Variants in KCNH5 observed in about 807,000 individuals in gnomAD.
KCNH5 encodes the protein potassium voltage-gated channel subfamily H member 5, also known as voltage-gated delayed rectifier potassium channel KCNH5.
KCNH5 carries 46 observed loss-of-function variants against 96.1 expected under a neutral mutation model. The observed-to-expected ratio is 0.48, with a 90% CI of 0.38 to 0.61. The LOEUF (loss-of-function observed/expected upper bound fraction) is 0.61, where lower values mean the gene tolerates loss of function less well. Among genes scored for constraint, KCNH5 ranks in the 20% least tolerant of loss-of-function variants. The pLI is 0.00. For synonymous variants in KCNH5, 439 were observed against 449.8 expected, an observed-to-expected ratio of 0.98 and a Z score of 0.30; for missense variants, 907 against 1,225.8, an observed-to-expected ratio of 0.74 and a Z score of 3.88.
At chr14:62,749,347 A>C (rs572976186) in intron 10 of KCNH5, among the ~76,000 whole-genome samples, 1 of 152,318 alleles carries the variant, frequency 6.6e-6, no homozygotes, top group African/African-American at 2.4e-5. Context: ...ATAAGAAATG[A>C]GTTTAATTCC....
chr14:62,786,590 A>C (rs1040422163), intron 9 of KCNH5, among the ~76,000 whole-genome samples: 2 of 152,114 alleles, frequency 1.3e-5, no homozygotes, highest in Non-Finnish European at 2.9e-5. Context: ...TACAGGCATA[A>C]TCCTCATTTT....
At chr14:62,808,037 C>T (rs536886469) in intron 8 of KCNH5, among the ~76,000 whole-genome samples, 110 of 152,218 alleles carry the variant, frequency 7.2e-4, no homozygotes, top group African/African-American at 2.6e-3. Context: ...ATATCTTAGG[C>T]TAGGCTCCAC....
chr14:62,847,256 G>A (rs1262203396), intron 8 of KCNH5, among the ~76,000 whole-genome samples: 1 of 151,236 alleles, frequency 6.6e-6, no homozygotes, highest in Non-Finnish European at 1.5e-5. Context: ...CAAAACCAGA[G>A]AGCTGAATGA....
At chr14:62,781,522 T>C in intron 9 of KCNH5, among the ~76,000 whole-genome samples, 1 of 152,266 alleles carries the variant, frequency 6.6e-6, no homozygotes, top group East Asian at 1.9e-4. Context: ...GTCTCGACCG[T>C]AAGAGACGGC....
intron 7 of KCNH5, among the ~76,000 whole-genome samples, chr14:62,864,483 T>C (rs1888096006): frequency 6.6e-6 from 1 of 152,148 alleles, no homozygotes; most frequent in South Asian, 2.1e-4. Context: ...AAATGGATAG[T>C]GAATTTTGCA....
rs1296765147 is a variant in KCNH5 at position 62,706,557 on chromosome 14, T to A, written c.*951A>T. Reference sequence around the variant, plus strand: ...CATAATAGTTAGCATTTTGATATGATTACTTAAATGCTTTATTTTTTGTAT... The same window carrying A: ...CATAATAGTTAGCATTTTGATATGAATACTTAAATGCTTTATTTTTTGTAT... On this transcript the variant is annotated 3_prime_UTR_variant, in exon 11 of 11. Coordinates refer to ENST00000322893, the MANE Select transcript of KCNH5 (RefSeq NM_139318.5). 1 of 152,138 alleles carries A rather than the reference T, an allele frequency of 6.6e-6. No individual in the cohort carries two copies. The highest frequency in any genetic ancestry group is 1.9e-4 in the East Asian group (1 of 5,202). 9.4% of individuals were successfully genotyped at this position (152,138 alleles called of 1,614,324 possible).
intron 7 of KCNH5, among the ~76,000 whole-genome samples, chr14:62,877,651 T>A (rs1195169430): frequency 2.0e-5 from 3 of 151,926 alleles, no homozygotes; most frequent in Non-Finnish European, 4.4e-5. Context: ...TGAGATACCA[T>A]CTCACACCAG....
chr14:62,731,136 A>T (rs913063402), intron 10 of KCNH5, among the ~76,000 whole-genome samples: 1 of 151,968 alleles, frequency 6.6e-6, no homozygotes, highest in African/African-American at 2.4e-5. Flanking sequence ...CCCCATCTCT[A>T]CTAAAAATGC....
intron 7 of KCNH5, among the ~76,000 whole-genome samples, chr14:62,944,829 G>A (rs1361481606): frequency 6.6e-6 from 1 of 152,080 alleles, no homozygotes; most frequent in Non-Finnish European, 1.5e-5. Flanking sequence ...GAATACTCTG[G>A]CTATAGAAAC....
chr14:62,725,326 T>C (rs1884900221), intron 10 of KCNH5, among the ~76,000 whole-genome samples: 1 of 152,206 alleles, frequency 6.6e-6, no homozygotes, highest in South Asian at 2.1e-4. Context: ...GTTGTGTTAC[T>C]TTTGGGTGGA....
rs528328450 is a variant in KCNH5 at position 62,810,477 on chromosome 14, T to C, written c.1570-7896A>G. On this transcript the variant is annotated intron_variant, in intron 8 of 10. Coordinates refer to ENST00000322893, the MANE Select transcript of KCNH5 (RefSeq NM_139318.5). ...GCTACACTTCCAGAGAGTTAAGCCA[T>C]TCTAAGCCACAGGATAAGATAAGAG... is the stretch of plus-strand genomic sequence containing the variant. 4.0e-4 allele frequency among the ~76,000 whole-genome samples: 61 copies of C among 152,078 alleles called. 1 individual carries two copies. The highest frequency in any genetic ancestry group is 1.2e-4 in the Non-Finnish European group (8 of 68,002).
chr14:62,761,095 C>G (rs1378457767), intron 10 of KCNH5, among the ~76,000 whole-genome samples: 1 of 152,156 alleles, frequency 6.6e-6, no homozygotes, highest in African/African-American at 2.4e-5. Context: ...TGGCTCACCC[C>G]TGTAATCCCA....
intron 6 of KCNH5, among the ~76,000 whole-genome samples, chr14:62,978,422 C>T (rs1304103049): frequency 1.3e-5 from 2 of 152,000 alleles, no homozygotes; most frequent in Non-Finnish European, 2.9e-5. Context: ...TCGGTCTTTG[C>T]AGCGTGATAA....
intron 6 of KCNH5, among the ~76,000 whole-genome samples, chr14:62,959,524 T>C (rs1288056651): frequency 3.3e-5 from 5 of 151,868 alleles, no homozygotes; most frequent in Non-Finnish European, 1.5e-5. Context: ...AATGTGTCTC[T>C]TAATCTACAC....
intron 10 of KCNH5, among the ~76,000 whole-genome samples, chr14:62,770,920 A>C (rs1885972024): frequency 6.6e-6 from 1 of 152,236 alleles, no homozygotes; most frequent in Non-Finnish European, 1.5e-5. Context: ...CTTAACCTCT[A>C]GTATGGCTGT....
At chr14:62,916,330 G>A (rs1889275095) in intron 7 of KCNH5, among the ~76,000 whole-genome samples, 1 of 152,116 alleles carries the variant, frequency 6.6e-6, no homozygotes, top group Non-Finnish European at 1.5e-5. Flanking sequence ...GTTAATTGGA[G>A]GAACACTACC....
intron 7 of KCNH5, among the ~76,000 whole-genome samples, chr14:62,878,995 C>A (rs1888439334): frequency 6.6e-6 from 1 of 152,078 alleles, no homozygotes; most frequent in Non-Finnish European, 1.5e-5. Context: ...TTTTGAGGTA[C>A]TGGGAACTTC....
chr14:62,746,872 C>A (rs1885386674), intron 10 of KCNH5, among the ~76,000 whole-genome samples: 1 of 152,192 alleles, frequency 6.6e-6, no homozygotes, highest in South Asian at 2.1e-4. Context: ...AGTGGCCTCT[C>A]TTTATTATGT....
chr14:62,911,305 G>A (rs1889149160), intron 7 of KCNH5, among the ~76,000 whole-genome samples: 1 of 144,518 alleles, frequency 6.9e-6, no homozygotes, highest in African/African-American at 2.6e-5. Context: ...TTGAGACGGA[G>A]TCTTGCTCTT....
Sources: allele counts gnomAD v4.1 joint callset (sites outside exome capture counted in the v4.1 genomes callset), GRCh38; gene constraint gnomAD v4.1.1; transcripts MANE v1.5; gene names NCBI Gene and HGNC (gene_info 2026-07-23, HGNC 2026-07-21).